Variants in NSUN3 observed in about 807,000 individuals in gnomAD.
The protein encoded by NSUN3 is tRNA (cytosine(34)-C(5))-methyltransferase, mitochondrial.
Under a neutral mutation model 36.8 loss-of-function variants are expected in NSUN3, and 24 were observed. That is an observed-to-expected ratio of 0.65 (90% CI 0.47 to 0.92). The LOEUF is 0.92. Ranked by LOEUF, NSUN3 falls within the 40% of genes least tolerant of loss-of-function variation. The pLI, the probability that NSUN3 is intolerant of heterozygous loss-of-function variation, is 0.00. For missense variants in NSUN3, 381 were observed against 392.8 expected, an observed-to-expected ratio of 0.97 and a Z score of 0.25; for synonymous variants, 146 against 145.2, an observed-to-expected ratio of 1.01 and a Z score of -0.04.
intron 5 of NSUN3, among the ~76,000 whole-genome samples, chr3:94,100,503 C>T (rs1045298303): frequency 1.3e-5 from 2 of 152,002 alleles, no homozygotes; most frequent in Non-Finnish European, 2.9e-5. Context: ...GGTAAGACAT[C>T]GATCAAAGTC....
intron 2 of NSUN3, among the ~76,000 whole-genome samples, chr3:94,068,541 A>G (rs1182129943): frequency 6.6e-6 from 1 of 152,238 alleles, no homozygotes; most frequent in African/African-American, 2.4e-5. Context: ...GAATACAAAA[A>G]TGGACTGTAT....
At chr3:94,085,328 T>A (rs560709460) in intron 3 of NSUN3, 44 of 152,332 alleles carry the variant, frequency 2.9e-4, no homozygotes, top group Non-Finnish European at 5.0e-4. Context: ...ATTCTTTTTT[T>A]AAAAAACTGA....
At chr3:94,071,086 T>A (rs942757597) in intron 2 of NSUN3, among the ~76,000 whole-genome samples, 2 of 152,212 alleles carry the variant, frequency 1.3e-5, no homozygotes, top group Admixed American at 6.5e-5. Context: ...CCTGACTGAT[T>A]TTATTATAGT....
rs2077283550 is a variant in NSUN3, at chr3:94,084,342, T to C, written c.358T>C (p.Ser120Pro). 1.9e-6 allele frequency: 3 copies of C among 1,614,094 alleles called. No homozygotes were observed. The highest frequency in any genetic ancestry group is 2.5e-6 in the Non-Finnish European group (3 of 1,179,988). The change falls in exon 3 of 6, where the codon TCT becomes CCT. Residue 120 changes from serine to proline, a missense_variant. Physicochemically the swap from Ser to Pro is moderately conservative, Grantham distance 74 (BLOSUM62 -1). Coordinates refer to ENST00000314622, the MANE Select transcript of NSUN3 (RefSeq NM_022072.5). Reference sequence around the variant, plus strand: ...AAAATATTATCTCCTAAATGCTGCTTCTCTTCTCCCAGTGTTGGCTCTGGA... The same window carrying C: ...AAAATATTATCTCCTAAATGCTGCTCCTCTTCTCCCAGTGTTGGCTCTGGA... Reference protein sequence around the residue: ...LKKYYLLNAASLLPVLALELR... With the variant: ...LKKYYLLNAAPLLPVLALELR...
At chr3:94,086,621 G>A (rs1324384607) in intron 3 of NSUN3, among the ~76,000 whole-genome samples, 2 of 152,164 alleles carry the variant, frequency 1.3e-5, no homozygotes, top group Admixed American at 6.5e-5. Flanking sequence ...CTAGGCATTG[G>A]TACAAATATA....
intron 2 of NSUN3, chr3:94,077,124 G>T (rs1576083139): frequency 1.3e-6 from 1 of 757,706 alleles, no homozygotes; most frequent in South Asian, 1.4e-5. Flanking sequence ...ACTCCTTATG[G>T]ATCACTCATT....
At chr3:94,110,543 C>A (rs1352005728) in intron 5 of NSUN3, among the ~76,000 whole-genome samples, 1 of 152,066 alleles carries the variant, frequency 6.6e-6, no homozygotes, top group Non-Finnish European at 1.5e-5. Flanking sequence ...CCTGAGCTTT[C>A]TCTCATTAAC....
intron 5 of NSUN3, among the ~76,000 whole-genome samples, chr3:94,105,243 A>T (rs2077383914): frequency 6.6e-6 from 1 of 152,112 alleles, no homozygotes; most frequent in Non-Finnish European, 1.5e-5. Context: ...TTTCTGTGGG[A>T]ACAACGACTT....
chr3:94,099,723 G>A (rs2077357177), intron 5 of NSUN3, among the ~76,000 whole-genome samples: 1 of 151,502 alleles, frequency 6.6e-6, no homozygotes, highest in South Asian at 2.1e-4. Context: ...ACAAGTCTTG[G>A]GGTTAAAAAG....
At chr3:94,088,920 C>T (rs999655077) in intron 3 of NSUN3, among the ~76,000 whole-genome samples, 4 of 152,136 alleles carry the variant, frequency 2.6e-5, no homozygotes, top group Non-Finnish European at 4.4e-5. Context: ...CCACCGGCCT[C>T]GGCCTCCCAA....
chr3:94,079,222 G>A (rs1163262303), intron 2 of NSUN3, among the ~76,000 whole-genome samples: 1 of 152,132 alleles, frequency 6.6e-6, no homozygotes, highest in Admixed American at 6.5e-5. Context: ...TCTGGGTTGA[G>A]AATTCTTTTC....
intron 5 of NSUN3, among the ~76,000 whole-genome samples, chr3:94,121,179 C>A (rs1415867041): frequency 1.3e-5 from 2 of 152,132 alleles, no homozygotes; most frequent in African/African-American, 2.4e-5. Context: ...TATCAAGATG[C>A]TGGCAGAGAT....
chr3:94,095,180 A>G (rs1419146827), intron 5 of NSUN3, 26 bp downstream of exon 5: 12 of 1,607,390 alleles, frequency 7.5e-6, no homozygotes, highest in Non-Finnish European at 8.5e-6. Flanking sequence ...ACAAAAGTGT[A>G]TTTTGGTGTC....
At chr3:94,114,477 G>A (rs1318286248) in intron 5 of NSUN3, among the ~76,000 whole-genome samples, 2 of 152,188 alleles carry the variant, frequency 1.3e-5, no homozygotes, top group Admixed American at 6.5e-5. Flanking sequence ...ACATAAGGTA[G>A]TATTAATTAA....
chr3:94,102,202 T>TAAAAAAAAAAAA (rs5850923), intron 5 of NSUN3, among the ~76,000 whole-genome samples: 7 of 101,540 alleles, frequency 6.9e-5, no homozygotes, highest in East Asian at 2.9e-4. Context: ...AAAGAAACGT[T>TAAAAAAAAAAAA]AAAAAAAAAA....
chr3:94,072,256 C>T (rs1433807885), intron 2 of NSUN3, among the ~76,000 whole-genome samples: 2 of 152,086 alleles, frequency 1.3e-5, no homozygotes, highest in Non-Finnish European at 2.9e-5. Context: ...GGGTCTCACA[C>T]GTTGGGAATC....
rs759570697 is a variant in NSUN3, at chr3:94,084,327, C to T, written c.343C>T (p.Leu115Phe). The T allele has an allele frequency of 6.2e-7, 1 of 1,614,084 alleles. No homozygotes were observed. Among genetic ancestry groups the T allele is most frequent in the Admixed American group, 1.7e-5 (1 of 60,012 alleles). ...AATTGGAAACCTGAAAAAATATTATCTCCTAAATGCTGCTTCTCTTCTCCC... is the reference window on the plus strand; with the variant it reads ...AATTGGAAACCTGAAAAAATATTATTTCCTAAATGCTGCTTCTCTTCTCCC... ...HQIGNLKKYY[L>F]LNAASLLPVL... Residue 115 changes from leucine to phenylalanine, a missense_variant, in exon 3 of 6, where the codon CTC (leucine) becomes TTC (phenylalanine). Coordinates refer to ENST00000314622, the MANE Select transcript of NSUN3 (RefSeq NM_022072.5).
chr3:94,109,341 A>G (rs2077406398), intron 5 of NSUN3, among the ~76,000 whole-genome samples: 1 of 152,364 alleles, frequency 6.6e-6, no homozygotes, highest in South Asian at 2.1e-4. Context: ...AAGAGTGTCT[A>G]TCTTGCTTTG....
In NSUN3 at chr3:94,070,202, G is replaced by A. The variant is rs77193137; in HGVS notation, c.122+5656G>A. 6.4e-3 allele frequency among the ~76,000 whole-genome samples: 974 copies of A among 152,216 alleles called. 14 individuals carry two copies. The highest frequency in any genetic ancestry group is 0.022 in the African/African-American group (919 of 41,522). On this transcript the variant is annotated intron_variant, in intron 2 of 5. Transcript: ENST00000314622. ...TCACACCTGTAATTCCAGCACTTTG[G>A]GAGGCCAAGGCAGGAGATTTGCTTG...
Sources: allele counts gnomAD v4.1 joint callset (sites outside exome capture counted in the v4.1 genomes callset), GRCh38; gene constraint gnomAD v4.1.1; transcripts MANE v1.5; gene names NCBI Gene and HGNC (gene_info 2026-07-23, HGNC 2026-07-21).